Variants in B3GLCT observed in about 807,000 individuals in gnomAD.
B3GLCT encodes the protein beta-1,3-glucosyltransferase.
B3GLCT carries 65 observed loss-of-function variants against 63.4 expected under a neutral mutation model. That is an observed-to-expected ratio of 1.03 (90% CI 0.84 to 1.26). The LOEUF is 1.26. Among genes scored for constraint, B3GLCT ranks in the 50% most tolerant of loss-of-function variants. B3GLCT has a pLI of 0.00. For synonymous variants in B3GLCT, 233 were observed against 219.2 expected, an observed-to-expected ratio of 1.06 and a Z score of -0.55; for missense variants, 577 against 604.8, an observed-to-expected ratio of 0.95 and a Z score of 0.48.
intron 12 of B3GLCT, among the ~76,000 whole-genome samples, chr13:31,315,066 A>C (rs940517820): frequency 1.1e-4 from 16 of 152,236 alleles, no homozygotes; most frequent in African/African-American, 2.7e-4. Context: ...GTGGAACTGT[A>C]AGTTAAATTA....
Position 31,247,083 on chromosome 13 carries a change from C to A in B3GLCT, c.331C>A (p.Leu111Ile). Reference protein sequence around the residue: ...LAKQEGAWTILPLLPHFSVTY... With the variant: ...LAKQEGAWTIIPLLPHFSVTY... ...TAAACAAGAAGGTGCATGGACCATA[C>A]TTCCGTTGTTACCGCAGTACGTTTG... is the stretch of plus-strand genomic sequence containing the variant. The change falls in exon 5 of 15, where the codon CTT (leucine) becomes ATT (isoleucine). Residue 111 changes from leucine (L) to isoleucine (I), a missense_variant. Transcript: ENST00000343307. 6.2e-7 allele frequency: 1 copy of A among 1,613,360 alleles called. No individual in the cohort carries two copies. Among genetic ancestry groups the A allele is most frequent in the Middle Eastern group, 1.7e-4 (1 of 6,058 alleles).
chr13:31,211,515 G>C (rs1398111556), intron 1 of B3GLCT, among the ~76,000 whole-genome samples: 4 of 151,520 alleles, frequency 2.6e-5, no homozygotes, highest in Non-Finnish European at 5.9e-5. Flanking sequence ...ATTATAATTT[G>C]TATCTATCAT....
intron 8 of B3GLCT, among the ~76,000 whole-genome samples, chr13:31,273,330 GC>G (rs1392413756): frequency 1.3e-5 from 2 of 152,172 alleles, no homozygotes; most frequent in Admixed American, 6.5e-5. Context: ...TCCTGACCTG[GC>G]GATCTGCCCG....
chr13:31,302,609 CTT>C (rs1874282595), intron 12 of B3GLCT, among the ~76,000 whole-genome samples: 1 of 77,318 alleles, frequency 1.3e-5, no homozygotes, highest in East Asian at 3.5e-4. Context: ...GAATATTGCG[CTT>C]TTCAGACCGG....
chr13:31,301,462 T>C (rs909827211), intron 12 of B3GLCT, among the ~76,000 whole-genome samples: 12 of 152,252 alleles, frequency 7.9e-5, no homozygotes, highest in Non-Finnish European at 1.6e-4. Flanking sequence ...AAAATGTCTC[T>C]TCCCATAATG....
intron 12 of B3GLCT, among the ~76,000 whole-genome samples, chr13:31,316,430 T>TAA (rs1875033170): frequency 1.7e-5 from 2 of 118,194 alleles, no homozygotes. Context: ...TATATATATA[T>TAA]AAATTTTTTT....
Position 31,317,636 on chromosome 13 carries a change from G to A in B3GLCT, c.1135G>A (p.Gly379Ser), listed in dbSNP as rs375168040. 73 of 1,613,986 alleles carry A rather than the reference G, an allele frequency of 4.5e-5. No individual in the cohort carries two copies. The highest frequency in any genetic ancestry group is 4.4e-4 in the African/African-American group (33 of 74,998). Residue 379 changes from glycine to serine, a missense_variant, in exon 13 of 15, where the codon GGC becomes AGC. Coordinates refer to ENST00000343307, the MANE Select transcript of B3GLCT (RefSeq NM_194318.4). The stretch of plus-strand genomic sequence containing the variant: ...GCCTGTGTTTCTGGGAGAGCGCTAC[G>A]GCTACGGCCTGGGCACTGGTGGCTA... Reference protein sequence around the residue: ...GEPVFLGERYGYGLGTGGYSY... With the variant: ...GEPVFLGERYSYGLGTGGYSY...
intron 4 of B3GLCT, among the ~76,000 whole-genome samples, chr13:31,229,709 G>T (rs1163502722): frequency 6.6e-6 from 1 of 150,584 alleles, no homozygotes; most frequent in African/African-American, 2.4e-5. Context: ...TCACACTACT[G>T]CACTCCAGCC....
At position 31,255,470 on chromosome 13, in the gene B3GLCT, TAA is replaced by T. The variant is rs536087438; in HGVS notation, c.460-5470_460-5469del. On this transcript the variant is annotated intron_variant, in intron 6 of 14. Coordinates refer to ENST00000343307, the MANE Select transcript of B3GLCT (RefSeq NM_194318.4). ...AAACTACTTTAAATTTCATGTGGAA[TAA>T]AAAAAGAGTCCACATAGCCAAGACA... Among the ~76,000 whole-genome samples, 46 of 152,044 alleles carry T rather than the reference TAA, an allele frequency of 3.0e-4. No individual in the cohort carries two copies. The South Asian group carries it at 8.5e-3, about 28-fold the overall frequency.
intron 7 of B3GLCT, 149 bp downstream of exon 7, chr13:31,261,231 T>C (rs560883483): frequency 1.2e-6 from 1 of 848,684 alleles, no homozygotes; most frequent in African/African-American, 1.7e-5. Flanking sequence ...AGGAGCCAGA[T>C]GCTTGAGGGT....
rs187311861 is a variant in B3GLCT at position 31,322,962 on chromosome 13, G to A, written c.1185-789G>A. Among the ~76,000 whole-genome samples, 38 of 152,246 alleles carry A rather than the reference G, an allele frequency of 2.5e-4. 1 individual carries two copies. Among genetic ancestry groups the A allele is most frequent in the Admixed American group, 2.0e-3 (30 of 15,298 alleles). ...GCTTTCTAAGAGAAAGGCAATTTAT[G>A]GTGGGTTTTCAGACTTGCAGTTTTC... On this transcript the variant is annotated intron_variant, in intron 13 of 14. Transcript: ENST00000343307.
At chr13:31,251,301 C>A (rs1385883584) in intron 6 of B3GLCT, among the ~76,000 whole-genome samples, 2 of 152,180 alleles carry the variant, frequency 1.3e-5, no homozygotes, top group East Asian at 3.9e-4. Context: ...AACCAGAACA[C>A]CTCTTCTCCT....
chr13:31,318,688 A>C (rs1875181872), intron 13 of B3GLCT, among the ~76,000 whole-genome samples: 1 of 152,064 alleles, frequency 6.6e-6, no homozygotes, highest in East Asian at 1.9e-4. Context: ...CCTTATCAAA[A>C]AAGGTTCAAG....
intron 1 of B3GLCT, among the ~76,000 whole-genome samples, chr13:31,209,976 C>T (rs1869173686): frequency 6.6e-6 from 1 of 152,176 alleles, no homozygotes; most frequent in African/African-American, 2.4e-5. Context: ...CCCTTGCTCC[C>T]TCACAGGAAC....
chr13:31,321,018 T>C (rs1875304919), intron 13 of B3GLCT, among the ~76,000 whole-genome samples: 1 of 152,272 alleles, frequency 6.6e-6, no homozygotes, highest in African/African-American at 2.4e-5. Context: ...ATTGCCTATT[T>C]ACTTTTCTAT....
intron 3 of B3GLCT, among the ~76,000 whole-genome samples, chr13:31,224,589 C>G (rs967162750): frequency 6.6e-6 from 1 of 152,060 alleles, no homozygotes; most frequent in Non-Finnish European, 1.5e-5. Context: ...GAGCATGGCT[C>G]ACAGTCAGAG....
chr13:31,326,736 G>A (rs1055963518), intron 14 of B3GLCT, among the ~76,000 whole-genome samples: 1 of 152,082 alleles, frequency 6.6e-6, no homozygotes, highest in Admixed American at 6.5e-5. Flanking sequence ...ATTATTAGAG[G>A]CTGCATAGAG....
intron 13 of B3GLCT, among the ~76,000 whole-genome samples, chr13:31,319,636 A>T (rs1474441264): frequency 6.6e-6 from 1 of 152,032 alleles, no homozygotes; most frequent in African/African-American, 2.4e-5. Flanking sequence ...TTACTCAGGC[A>T]TCTTTTCTAG....
At chr13:31,302,469 C>T (rs8002216) in intron 12 of B3GLCT, among the ~76,000 whole-genome samples, 25,260 of 135,816 alleles carry the variant, frequency 0.19, 2,381 homozygotes, top group East Asian at 0.2. Flanking sequence ...AGTGTGTGTG[C>T]GCACCGTGCG....
Sources: gnomAD v4.1 joint callset for allele counts (sites outside exome capture counted in the v4.1 genomes callset) on GRCh38, gnomAD v4.1.1 for gene constraint, MANE v1.5 for transcripts, NCBI Gene and HGNC (gene_info 2026-07-23, HGNC 2026-07-21) for gene names.